EEFSEC: variants seen among roughly 807,000 people sequenced by gnomAD.
EEFSEC encodes the protein eukaryotic elongation factor, selenocysteine-tRNA specific.
A neutral mutation model predicts 42.1 loss-of-function variants in EEFSEC; 43 were observed. That is an observed-to-expected ratio of 1.02 (90% CI 0.80 to 1.32). The LOEUF (loss-of-function observed/expected upper bound fraction) is 1.32, where lower values mean the gene tolerates loss of function less well. Among genes scored for constraint, EEFSEC ranks in the 40% most tolerant of loss-of-function variants. The pLI is 0.00. For synonymous variants in EEFSEC, 354 were observed against 339.1 expected (o/e 1.04, Z -0.48); for missense variants, 745 against 803.6 (o/e 0.93, Z 0.88).
chr3:128,337,093 G>C (rs931356641), intron 4 of EEFSEC: 1 of 152,204 alleles, frequency 6.6e-6, no homozygotes, highest in African/African-American at 2.4e-5. Context: ...TCATTCTTAG[G>C]TTGGTAAAAT....
chr3:128,351,472 A>G (rs1053572778), intron 5 of EEFSEC, among the ~76,000 whole-genome samples: 1 of 152,232 alleles, frequency 6.6e-6, no homozygotes, highest in Non-Finnish European at 1.5e-5. Flanking sequence ...GTCAGAAGTC[A>G]GGCCTCCCAA....
At chr3:128,303,039 G>A (rs1192995103) in intron 4 of EEFSEC, among the ~76,000 whole-genome samples, 1 of 152,186 alleles carries the variant, frequency 6.6e-6, no homozygotes, top group Non-Finnish European at 1.5e-5. Context: ...TGATGGACTT[G>A]TATGAGTATA....
intron 6 of EEFSEC, among the ~76,000 whole-genome samples, chr3:128,401,867 T>C (rs1191836793): frequency 6.6e-6 from 1 of 152,098 alleles, no homozygotes; most frequent in Admixed American, 6.5e-5. Flanking sequence ...CCAGCAGCCA[T>C]GGAGGAGTCA....
chr3:128,408,681 G>A (rs1002716806), downstream of EEFSEC: 4 of 161,302 alleles, frequency 2.5e-5, no homozygotes, highest in Middle Eastern at 2.9e-3. Context: ...CACTAGGTCC[G>A]CCGCCCTCCC....
At chr3:128,246,150 C>T (rs2066124353) in intron 1 of EEFSEC, among the ~76,000 whole-genome samples, 1 of 152,192 alleles carries the variant, frequency 6.6e-6, no homozygotes, top group Non-Finnish European at 1.5e-5. Context: ...CCTTCATTCA[C>T]TTTCTGTAAC....
intron 4 of EEFSEC, among the ~76,000 whole-genome samples, chr3:128,274,393 G>A (rs2066445395): frequency 2.0e-5 from 3 of 152,214 alleles, no homozygotes; most frequent in Admixed American, 2.0e-4. Flanking sequence ...GGAAGCCTCA[G>A]CCCCTGCACC....
chr3:128,380,310 A>T (rs1254825548), intron 6 of EEFSEC, among the ~76,000 whole-genome samples: 1 of 152,244 alleles, frequency 6.6e-6, no homozygotes, highest in Non-Finnish European at 1.5e-5. Context: ...ATTTTCTAAA[A>T]GTAAAAATAA....
chr3:128,350,535 C>T (rs2067372155), intron 5 of EEFSEC, among the ~76,000 whole-genome samples: 1 of 152,238 alleles, frequency 6.6e-6, no homozygotes, highest in East Asian at 1.9e-4. Flanking sequence ...CAAATGGCTG[C>T]CCTGGTATTC....
intron 1 of EEFSEC, among the ~76,000 whole-genome samples, chr3:128,216,437 A>G (rs2065811399): frequency 6.6e-6 from 1 of 152,222 alleles, no homozygotes; most frequent in Admixed American, 6.5e-5. Flanking sequence ...TGGGAGCAGC[A>G]GAGCTGTGCC....
intron 4 of EEFSEC, among the ~76,000 whole-genome samples, chr3:128,268,343 A>G (rs1015964742): frequency 6.6e-6 from 1 of 152,158 alleles, no homozygotes; most frequent in East Asian, 1.9e-4. Flanking sequence ...TTTTGAGCTG[A>G]TGATAATTTA....
intron 6 of EEFSEC, among the ~76,000 whole-genome samples, chr3:128,373,126 A>G (rs917850685): frequency 2.0e-5 from 3 of 152,056 alleles, no homozygotes; most frequent in African/African-American, 7.2e-5. Context: ...GAGAAGTGGA[A>G]TGACTTGCAC....
At chr3:128,177,164 G>A (rs1325425012) in intron 1 of EEFSEC, among the ~76,000 whole-genome samples, 1 of 151,990 alleles carries the variant, frequency 6.6e-6, no homozygotes, top group Non-Finnish European at 1.5e-5. Context: ...TTGATTCAAT[G>A]TTGTGGGGAG....
chr3:128,197,436 A>G (rs1033568357), intron 1 of EEFSEC, among the ~76,000 whole-genome samples: 1 of 152,082 alleles, frequency 6.6e-6, no homozygotes, highest in Non-Finnish European at 1.5e-5. Flanking sequence ...ACGCCCAGCT[A>G]ATTTTTTTGT....
chr3:128,359,562 T>A (rs2067499877), intron 6 of EEFSEC, among the ~76,000 whole-genome samples: 1 of 152,192 alleles, frequency 6.6e-6, no homozygotes, highest in Non-Finnish European at 1.5e-5. Flanking sequence ...GTCCTTTATC[T>A]CCTGTACAAT....
chr3:128,341,208 T>G (rs1195581149), intron 4 of EEFSEC, 25 bp from the exon 5 acceptor site: 78 of 1,572,136 alleles, frequency 5.0e-5, no homozygotes, highest in Non-Finnish European at 6.6e-5. Flanking sequence ...TGGTTTCATG[T>G]GCTCTCTTGC....
chr3:128,254,354 G>A (rs944539367), intron 2 of EEFSEC, among the ~76,000 whole-genome samples: 3 of 152,202 alleles, frequency 2.0e-5, no homozygotes, highest in Non-Finnish European at 4.4e-5. Flanking sequence ...TGTTGTGCTG[G>A]TATAGACGAC....
At chr3:128,156,829 G>A (rs973169305) in intron 1 of EEFSEC, among the ~76,000 whole-genome samples, 8 of 152,154 alleles carry the variant, frequency 5.3e-5, no homozygotes, top group African/African-American at 1.7e-4. Flanking sequence ...TATTCCCTGA[G>A]ACACAACAAT....
intron 1 of EEFSEC, among the ~76,000 whole-genome samples, chr3:128,175,113 T>C (rs1203579720): frequency 6.6e-6 from 1 of 151,248 alleles, no homozygotes; most frequent in Non-Finnish European, 1.5e-5. Context: ...TCTGCTCTAC[T>C]CCTCCTCCCT....
intron 2 of EEFSEC, among the ~76,000 whole-genome samples, chr3:128,258,585 A>C (rs2066266070): frequency 6.6e-6 from 1 of 152,192 alleles, no homozygotes. Flanking sequence ...TTGGAGAATG[A>C]ATGTGTGACT....
Sources: allele counts gnomAD v4.1 joint callset (sites outside exome capture counted in the v4.1 genomes callset), GRCh38; gene constraint gnomAD v4.1.1; transcripts MANE v1.5; gene names NCBI Gene and HGNC (gene_info 2026-07-23, HGNC 2026-07-21).